Variants in IRAK1BP1 observed in about 807,000 individuals in gnomAD.
The protein encoded by IRAK1BP1 is interleukin-1 receptor-associated kinase 1-binding protein 1.
IRAK1BP1 carries 24 observed loss-of-function variants against 28.0 expected under a neutral mutation model. The ratio of observed to expected loss-of-function variants is 0.86; its 90% confidence interval spans 0.62 to 1.20. IRAK1BP1 has a LOEUF of 1.20. Among genes scored for constraint, IRAK1BP1 ranks in the 50% most tolerant of loss-of-function variants. IRAK1BP1 has a pLI of 0.00. For synonymous variants in IRAK1BP1, 131 were observed against 116.3 expected, an observed-to-expected ratio of 1.13 and a Z score of -0.81; for missense variants, 336 against 316.7, an observed-to-expected ratio of 1.06 and a Z score of -0.46.
chr6:78,924,535 G>C (rs577674414), intron 4 of IRAK1BP1, among the ~76,000 whole-genome samples: 4 of 152,236 alleles, frequency 2.6e-5, no homozygotes, highest in Admixed American at 6.5e-5. Context: ...CCAATCAATA[G>C]AAAAAGAGGG....
At chr6:78,927,201 C>T (rs1772913042) in intron 4 of IRAK1BP1, among the ~76,000 whole-genome samples, 1 of 152,148 alleles carries the variant, frequency 6.6e-6, no homozygotes, top group Admixed American at 6.6e-5. Flanking sequence ...ACATCCTCGC[C>T]AACATTTGTT....
At position 78,933,222 on chromosome 6, in the gene IRAK1BP1, T is replaced by G. The variant is rs547231246; in HGVS notation, c.*68-12186T>G. 3.9e-5 allele frequency among the ~76,000 whole-genome samples: 6 copies of G among 152,342 alleles called. No individual in the cohort carries two copies. The South Asian group carries it at 1.2e-3, about 32-fold the overall frequency. ...GGATGTTTCATCTGCGTTGAAAATT[T>G]GTATAGATTTTCATCAATGATATTA... On this transcript the variant is annotated intron_variant and NMD_transcript_variant, in intron 4 of 4. Coordinates refer to the IRAK1BP1 transcript ENST00000606868.
At chr6:78,880,431 A>G (rs913196701) in intron 1 of IRAK1BP1, among the ~76,000 whole-genome samples, 3 of 152,238 alleles carry the variant, frequency 2.0e-5, no homozygotes, top group African/African-American at 7.2e-5. Context: ...ACCAAAAAGC[A>G]CAGTCCATGA....
intron 4 of IRAK1BP1, among the ~76,000 whole-genome samples, chr6:78,931,436 A>G (rs1773041979): frequency 6.6e-6 from 1 of 152,120 alleles, no homozygotes; most frequent in Non-Finnish European, 1.5e-5. Context: ...GAAGTAGGGT[A>G]TTTTACACTA....
chr6:78,961,905 C>T, the IRAK1BP1 span: 1 of 912,952 alleles, frequency 1.1e-6, no homozygotes, highest in East Asian at 2.8e-5. Context: ...AAGTCCTAAT[C>T]TACATAATCA....
chr6:78,955,855 ACT>A, the IRAK1BP1 span: 1 of 376,650 alleles, frequency 2.7e-6, no homozygotes, highest in African/African-American at 2.1e-5. Flanking sequence ...TGACCCCTCC[ACT>A]CTATGTAGAG....
intron 2 of IRAK1BP1, among the ~76,000 whole-genome samples, chr6:78,886,171 C>T (rs1207729948): frequency 6.6e-6 from 1 of 152,136 alleles, no homozygotes; most frequent in Non-Finnish European, 1.5e-5. Context: ...GTATCTCCAT[C>T]ACCCGTTTCT....
At chr6:78,917,212 C>T (rs1772583591) in intron 4 of IRAK1BP1, among the ~76,000 whole-genome samples, 1 of 151,850 alleles carries the variant, frequency 6.6e-6, no homozygotes, top group South Asian at 2.1e-4. Context: ...AAGAGATAAA[C>T]ATTTTAAAAA....
At chr6:78,964,449 G>C in the IRAK1BP1 span, among the ~76,000 whole-genome samples, 1 of 152,008 alleles carries the variant, frequency 6.6e-6, no homozygotes, top group Non-Finnish European at 1.5e-5. Context: ...TTTCCTTTTT[G>C]TTTTTTAAAG....
intron 4 of IRAK1BP1, among the ~76,000 whole-genome samples, chr6:78,933,399 C>T (rs975563975): frequency 6.6e-5 from 10 of 152,098 alleles, no homozygotes; most frequent in Non-Finnish European, 1.0e-4. Context: ...GGGCGGATCA[C>T]GAGGTCAGGA....
intron 2 of IRAK1BP1, among the ~76,000 whole-genome samples, chr6:78,892,435 C>T (rs1344089833): frequency 6.6e-6 from 1 of 152,128 alleles, no homozygotes. Flanking sequence ...AAGTGTCTTT[C>T]TCATGTGCTA....
chr6:78,962,121 G>C, the IRAK1BP1 span, among the ~76,000 whole-genome samples: 1 of 152,072 alleles, frequency 6.6e-6, no homozygotes, highest in African/African-American at 2.4e-5. Context: ...GGCCATTCCT[G>C]AATCTATATT....
At chr6:78,897,007 A>G (rs1307632879) in intron 2 of IRAK1BP1, among the ~76,000 whole-genome samples, 4 of 151,944 alleles carry the variant, frequency 2.6e-5, no homozygotes, top group Admixed American at 6.6e-5. Flanking sequence ...TCTCATGTCT[A>G]CAACCGCTAA....
chr6:78,972,986 A>G, the IRAK1BP1 span, among the ~76,000 whole-genome samples: 1 of 152,186 alleles, frequency 6.6e-6, no homozygotes, highest in Non-Finnish European at 1.5e-5. Context: ...TCCCCAATCT[A>G]GCAAGGCAGG....
intron 2 of IRAK1BP1, among the ~76,000 whole-genome samples, chr6:78,885,920 A>G (rs1427505340): frequency 6.6e-6 from 1 of 152,212 alleles, no homozygotes; most frequent in Non-Finnish European, 1.5e-5. Flanking sequence ...GTTAATGACA[A>G]CATTTAGTTC....
At chr6:78,943,393 C>T (rs1471613930) in intron 4 of IRAK1BP1, among the ~76,000 whole-genome samples, 2 of 152,000 alleles carry the variant, frequency 1.3e-5, no homozygotes, top group African/African-American at 4.8e-5. Context: ...ATGCTAGAAC[C>T]AATTCATCAT....
At chr6:78,893,044 A>G (rs189165205) in intron 2 of IRAK1BP1, among the ~76,000 whole-genome samples, 38 of 151,946 alleles carry the variant, frequency 2.5e-4, no homozygotes, top group African/African-American at 8.9e-4. Flanking sequence ...TTATAAACCC[A>G]TGGAGTCAAA....
chr6:78,878,309 A>G (rs1168735002), intron 1 of IRAK1BP1, among the ~76,000 whole-genome samples: 2 of 152,202 alleles, frequency 1.3e-5, no homozygotes, highest in Non-Finnish European at 2.9e-5. Flanking sequence ...TTCCAGAGGA[A>G]AGATCAGGCA....
the IRAK1BP1 span, among the ~76,000 whole-genome samples, chr6:78,952,569 A>G: frequency 6.6e-6 from 1 of 151,802 alleles, no homozygotes; most frequent in East Asian, 1.9e-4. Context: ...TCTATCTACC[A>G]CTACCTCTTA....
Sources: gnomAD v4.1 joint callset for allele counts (sites outside exome capture counted in the v4.1 genomes callset) on GRCh38, gnomAD v4.1.1 for gene constraint, MANE v1.5 for transcripts, NCBI Gene and HGNC (gene_info 2026-07-23, HGNC 2026-07-21) for gene names.